C1orf210: variants seen among roughly 807,000 people sequenced by gnomAD.
C1orf210 encodes the protein chromosome 1 open reading frame 210.
In C1orf210, 3 loss-of-function variants were observed where a neutral mutation model predicts 3.7. That is an observed-to-expected ratio of 0.81 (90% CI 0.37 to 2.08). The LOEUF (loss-of-function observed/expected upper bound fraction) is 2.08. C1orf210 is among the 30% of genes most tolerant of loss of function. The pLI is 0.06. For synonymous variants in C1orf210, 62 were observed against 61.7 expected (o/e 1.00, Z -0.02); for missense variants, 143 against 147.7 (o/e 0.97, Z 0.17).
chr1:43,283,045 C>T lies in C1orf210; in HGVS notation c.82G>A (p.Ala28Thr). ...SAVAPGPGTG[A>T]RAWPVLVGFV... ...CCTACCAGCACAGGCCATGCCCGAG[C>T]CCCAGTGCCTGGGCCAGGGGCCACA... The change falls in exon 3 of 3, where the codon GCT becomes ACT. Residue 28 changes from alanine (A) to threonine (T), a missense_variant. Coordinates refer to ENST00000523677, the MANE Select transcript of C1orf210 (RefSeq NM_182517.3). 6.2e-7 allele frequency: 1 copy of T among 1,614,094 alleles called. No individual in the cohort carries two copies. Among genetic ancestry groups the T allele is most frequent in the Non-Finnish European group, 8.5e-7 (1 of 1,179,946 alleles).
chr1:43,283,463 G>A, intron 1 of C1orf210, 95 bp from the exon 2 acceptor site: 1 of 654,458 alleles, frequency 1.5e-6, no homozygotes, highest in Non-Finnish European at 2.5e-6. Context: ...CAAACTCTGG[G>A]GACTGGACAA....
chr1:43,283,419 T>A, intron 1 of C1orf210, 51 bp from the exon 2 acceptor site: 2 of 1,055,646 alleles, frequency 1.9e-6, no homozygotes, highest in Non-Finnish European at 2.7e-6. Context: ...GGGTGCACTT[T>A]CCAGGTCACA....
rs774522331 is a variant in C1orf210, at chr1:43,282,928, G to A, written c.199C>T (p.Arg67Cys). 11 of 1,614,044 alleles carry A rather than the reference G, an allele frequency of 6.8e-6. No individual in the cohort carries two copies. Among genetic ancestry groups the A allele is most frequent in the African/African-American group, 2.7e-5 (2 of 74,914 alleles). ...CCCCTTCCTGTCTCAGGCAGTGGGCGGTGCCGGTAGCTGGCATGGTATCGG... is the reference window on the plus strand; with the variant it reads ...CCCCTTCCTGTCTCAGGCAGTGGGCAGTGCCGGTAGCTGGCATGGTATCGG... ...CRRYHASYRH[R>C]PLPETGRGGR... Residue 67 changes from arginine (R) to cysteine (C), a missense_variant, in exon 3 of 3, where the codon CGC (arginine) becomes TGC (cysteine). Arg to Cys is a radical substitution (Grantham distance 180). Transcript: ENST00000523677.
intron 1 of C1orf210, among the ~76,000 whole-genome samples, chr1:43,284,289 A>G (rs1294938048): frequency 6.6e-6 from 1 of 152,108 alleles, no homozygotes; most frequent in Non-Finnish European, 1.5e-5. Context: ...ACGAACAGCT[A>G]GGGCAGGAGC....
At chr1:43,283,840 G>A (rs185324602) in intron 1 of C1orf210, among the ~76,000 whole-genome samples, 30 of 152,272 alleles carry the variant, frequency 2.0e-4, no homozygotes, top group Admixed American at 1.5e-3. Context: ...GCAATTGCTT[G>A]GAGCTACCCA....
Position 43,282,792 on chromosome 1 carries a change from G to C in C1orf210, c.335C>G (p.Ser112Cys). The C allele has an allele frequency of 3.1e-6, 5 of 1,591,078 alleles. No individual in the cohort carries two copies. Among genetic ancestry groups the C allele is most frequent in the Non-Finnish European group, 4.3e-6 (5 of 1,166,678 alleles). Reference protein sequence around the residue: ...LGTEGSRDHFSL With the variant: ...LGTEGSRDHFCL ...GGGTCTAAAGATGGGAGCTCAGAGGGAGAAGTGGTCCCTGCTACCCTCTGT... is the reference window on the plus strand; with the variant it reads ...GGGTCTAAAGATGGGAGCTCAGAGGCAGAAGTGGTCCCTGCTACCCTCTGT... Residue 112 changes from serine to cysteine, a missense_variant, in exon 3 of 3, where the codon TCC (serine) becomes TGC (cysteine). Transcript: ENST00000523677.
rs934027636 is a variant in C1orf210, at chr1:43,283,430, C to T, written c.-98-62G>A. On this transcript the variant is annotated intron_variant, in intron 1 of 2. Coordinates refer to ENST00000523677, the MANE Select transcript of C1orf210 (RefSeq NM_182517.3). ...CACAGGGTGCACTTTCCAGGTCACA[C>T]TCACAGCCATGGTAGCCCTGCACAA... The T allele has an allele frequency of 2.9e-5, 27 of 921,750 alleles. 1 individual carries two copies. Among genetic ancestry groups the T allele is most frequent in the Non-Finnish European group, 4.4e-5 (27 of 617,860 alleles). The allele number at this position is 921,750 out of a possible 1,614,324, so 57.1% of individuals were successfully genotyped here. A position where few individuals can be genotyped will look rare whatever the true frequency, so the allele number is the denominator to read the frequency against.
In C1orf210 at chr1:43,283,479, C is replaced by T. The variant is rs189240223; in HGVS notation, c.-98-111G>A. The stretch of plus-strand genomic sequence containing the variant: ...AAACTCTGGGGACTGGACAACTGAC[C>T]ACACCAGCTCTCCACAGAAGAGAAA... On this transcript the variant is annotated intron_variant, in intron 1 of 2. Transcript: ENST00000523677. 2.5e-3 allele frequency: 1,383 copies of T among 550,918 alleles called. 32 individuals carry two copies. In the Admixed American group the frequency reaches 0.042, roughly 17 times the overall value. 34.1% of individuals were successfully genotyped at this position (550,918 alleles called of 1,614,324 possible). A position where few individuals can be genotyped will look rare whatever the true frequency, so the allele number is the denominator to read the frequency against.
chr1:43,285,256 C>T (rs1250462252), intron 1 of C1orf210, among the ~76,000 whole-genome samples, 188 bp downstream of exon 1: 3 of 152,144 alleles, frequency 2.0e-5, no homozygotes, highest in African/African-American at 7.2e-5. Context: ...CCTTTCCTCC[C>T]TGCCCTGTGA....
Position 43,283,328 on chromosome 1 carries a change from G to A in C1orf210, c.-58C>T. 1 of 1,597,522 alleles carries A rather than the reference G, an allele frequency of 6.3e-7. No individual in the cohort carries two copies. Among genetic ancestry groups the A allele is most frequent in the Non-Finnish European group, 8.5e-7 (1 of 1,173,542 alleles). ...CTCAACCAGAAAGAGCCCTGGCTCT[G>A]AGGAGGCCCCCAGATGCCAGGCAGC... On this transcript the variant is annotated 5_prime_UTR_variant, in exon 2 of 3. Coordinates refer to ENST00000523677, the MANE Select transcript of C1orf210 (RefSeq NM_182517.3).
chr1:43,283,225 C>A, intron 2 of C1orf210, 27 bp downstream of exon 2: 1 of 1,611,940 alleles, frequency 6.2e-7, no homozygotes, highest in Middle Eastern at 1.7e-4. Context: ...AGCCCCCCAC[C>A]CCCATCATCC....
rs1261095550 is a variant in C1orf210 at position 43,282,659 on chromosome 1, C to T, written c.*126G>A. 1 of 911,092 alleles carries T rather than the reference C, an allele frequency of 1.1e-6. No individual in the cohort carries two copies. Among genetic ancestry groups the T allele is most frequent in the Non-Finnish European group, 1.7e-6 (1 of 598,986 alleles). 56.4% of individuals were successfully genotyped at this position (911,092 alleles called of 1,614,324 possible). The stretch of plus-strand genomic sequence containing the variant: ...GCTAGTGTCAGGGAAGTGGGGTTTA[C>T]TCCATCCCTGGCCAACCTTTAAGCC... On this transcript the variant is annotated 3_prime_UTR_variant, in exon 3 of 3. Coordinates refer to ENST00000523677, the MANE Select transcript of C1orf210 (RefSeq NM_182517.3).
At chr1:43,283,861 A>T (rs1646562185) in intron 1 of C1orf210, among the ~76,000 whole-genome samples, 1 of 152,166 alleles carries the variant, frequency 6.6e-6, no homozygotes, top group Non-Finnish European at 1.5e-5. Flanking sequence ...GCCAAAGCGG[A>T]GACCACATAT....
At chr1:43,284,206 G>C (rs72637947) in intron 1 of C1orf210, among the ~76,000 whole-genome samples, 1 of 152,156 alleles carries the variant, frequency 6.6e-6, no homozygotes, top group Non-Finnish European at 1.5e-5. Flanking sequence ...GATCAAAGGA[G>C]TGTCTGGAGG....
chr1:43,282,800 G>C lies in C1orf210; in HGVS notation c.327C>G (p.Asp109Glu). The C allele has an allele frequency of 6.3e-7, 1 of 1,596,920 alleles. No homozygotes were observed. Among genetic ancestry groups the C allele is most frequent in the Non-Finnish European group, 8.5e-7 (1 of 1,169,898 alleles). The change falls in exon 3 of 3, where the codon GAC becomes GAG. Residue 109 changes from aspartate (D) to glutamate (E), a missense_variant. Physicochemically the swap from Asp to Glu is conservative, Grantham distance 45. Coordinates refer to ENST00000523677, the MANE Select transcript of C1orf210 (RefSeq NM_182517.3). ...AGATGGGAGCTCAGAGGGAGAAGTG[G>C]TCCCTGCTACCCTCTGTCCCCAGCT... is the stretch of plus-strand genomic sequence containing the variant. ...TGELGTEGSR[D>E]HFSL is the part of the protein sequence containing the mutation.
chr1:43,284,431 C>G (rs539161063), intron 1 of C1orf210, among the ~76,000 whole-genome samples: 52 of 152,136 alleles, frequency 3.4e-4, no homozygotes, highest in Non-Finnish European at 5.9e-4. Context: ...TCAAACCCCC[C>G]CCAACCTCCT....
chr1:43,282,720 T>C lies in C1orf210; in HGVS notation c.*65A>G. 3 of 1,451,902 alleles carry C rather than the reference T, an allele frequency of 2.1e-6. No individual in the cohort carries two copies. Among genetic ancestry groups the C allele is most frequent in the Non-Finnish European group, 1.9e-6 (2 of 1,066,882 alleles). The allele number at this position is 1,451,902 out of a possible 1,614,324, so 89.9% of individuals were successfully genotyped here. On this transcript the variant is annotated 3_prime_UTR_variant, in exon 3 of 3. Coordinates refer to ENST00000523677, the MANE Select transcript of C1orf210 (RefSeq NM_182517.3). Reference sequence around the variant, plus strand: ...CTGTCCCTGAGGTTCAAGGCCCCCATGTCATAACCACTGTCCTTAAGCTGT... The same window carrying C: ...CTGTCCCTGAGGTTCAAGGCCCCCACGTCATAACCACTGTCCTTAAGCTGT...
rs1557429838 is a variant in C1orf210 at position 43,283,005 on chromosome 1, GC to G, written c.121del (p.Ala41LeufsTer87). 1.2e-6 allele frequency: 2 copies of G among 1,614,036 alleles called. No homozygotes were observed. Among genetic ancestry groups the G allele is most frequent in the Non-Finnish European group, 1.7e-6 (2 of 1,179,878 alleles). On this transcript the variant is annotated frameshift_variant, in exon 3 of 3. Coordinates refer to ENST00000523677, the MANE Select transcript of C1orf210 (RefSeq NM_182517.3). LOFTEE classifies it high-confidence loss of function. ...TGCAATGAGGAGCGAGAGGACCACA[GC>G]CCCCAGCACAAATCCTACCAGCACA... is the stretch of plus-strand genomic sequence containing the variant. ...WPVLVGFVLG[A>X]VVLSLLIALA... is the part of the protein sequence containing the mutation.
intron 1 of C1orf210, among the ~76,000 whole-genome samples, chr1:43,284,183 G>C (rs188889049): frequency 6.6e-6 from 1 of 152,278 alleles, no homozygotes; most frequent in East Asian, 1.9e-4. Context: ...AACACCTGTA[G>C]GAGGAGCACC....
Sources: gnomAD v4.1 joint callset for allele counts (sites outside exome capture counted in the v4.1 genomes callset) on GRCh38, gnomAD v4.1.1 for gene constraint, MANE v1.5 for transcripts, NCBI Gene and HGNC (gene_info 2026-07-23, HGNC 2026-07-21) for gene names.